PKHD1: variants seen among roughly 807,000 people sequenced by gnomAD.
The protein encoded by PKHD1 is fibrocystin.
In PKHD1, 291 loss-of-function variants were observed where a neutral mutation model predicts 412.0. That is an observed-to-expected ratio of 0.71 (90% CI 0.64 to 0.78). The LOEUF (loss-of-function observed/expected upper bound fraction) is 0.78. Ranked by LOEUF, PKHD1 falls within the 30% of genes least tolerant of loss-of-function variation. The probability of loss-of-function intolerance (pLI) is 0.00; values close to 1 mark genes in which losing one functional copy is unlikely to be tolerated. For missense variants in PKHD1, 4,825 were observed against 4,950.7 expected (o/e 0.97, Z 0.76); for synonymous variants, 1,777 against 1,821.5 (o/e 0.98, Z 0.62).
Position 51,702,777 on chromosome 6 carries a change from A to G in PKHD1, c.10156+41608T>C, listed in dbSNP as rs146615016. On this transcript the variant is annotated intron_variant, in intron 60 of 66. Transcript: ENST00000371117. ...ATGGAGAGAGTATTTGAATGTCATC[A>G]AATAAGAAATTAAATAATAAATTAA... Among the ~76,000 whole-genome samples the G allele has an allele frequency of 9.4e-3, 1,425 of 152,112 alleles. 21 individuals are homozygous for G. The highest frequency in any genetic ancestry group is 0.032 in the African/African-American group (1,342 of 41,546).
At chr6:51,711,880 C>A (rs1468155524) in intron 60 of PKHD1, among the ~76,000 whole-genome samples, 1 of 152,094 alleles carries the variant, frequency 6.6e-6, no homozygotes, top group Non-Finnish European at 1.5e-5. Flanking sequence ...CATCTCCTAC[C>A]CCTTTCACAA....
chr6:51,703,990 AG>A (rs1779731135), intron 60 of PKHD1, among the ~76,000 whole-genome samples: 1 of 152,028 alleles, frequency 6.6e-6, no homozygotes, highest in Non-Finnish European at 1.5e-5. Context: ...TATTTCCAAA[AG>A]TCTGTTGCTA....
At chr6:51,636,313 T>C (rs1768560210) in intron 64 of PKHD1, among the ~76,000 whole-genome samples, 1 of 152,094 alleles carries the variant, frequency 6.6e-6, no homozygotes, top group Admixed American at 6.5e-5. Flanking sequence ...ATGCCTATAA[T>C]GCCAGCATGA....
At chr6:51,644,657 T>C (rs981672410) in intron 63 of PKHD1, among the ~76,000 whole-genome samples, 1 of 152,040 alleles carries the variant, frequency 6.6e-6, no homozygotes, top group Non-Finnish European at 1.5e-5. Context: ...ACCTGATTCA[T>C]GAGGTGCACA....
chr6:51,958,629 T>G (rs982281100), intron 36 of PKHD1, among the ~76,000 whole-genome samples: 3 of 152,112 alleles, frequency 2.0e-5, no homozygotes, highest in African/African-American at 7.2e-5. Context: ...GCCAAGACCT[T>G]TGAATGCCTG....
chr6:51,721,026 G>A (rs1781862611), intron 60 of PKHD1: 5 of 981,698 alleles, frequency 5.1e-6, no homozygotes, highest in Non-Finnish European at 6.0e-6. Context: ...ACATGGGTAA[G>A]GGAAGTATTT....
intron 36 of PKHD1, among the ~76,000 whole-genome samples, chr6:51,959,599 A>G (rs953397669): frequency 3.9e-5 from 6 of 152,104 alleles, no homozygotes; most frequent in Non-Finnish European, 8.8e-5. Context: ...GTGCTTGAAT[A>G]AAGAAGCATA....
At position 52,028,219 on chromosome 6, in the gene PKHD1, G is replaced by A. The variant is rs575624671; in HGVS notation, c.3497C>T (p.Pro1166Leu). The part of the protein sequence containing the change: ...SAWGLEVALP[P>L]LPAGLHRISV... The stretch of plus-strand genomic sequence containing the variant: ...AATTCTGTGGAGACCAGCTGGCAGT[G>A]GGGGCAGTGCCACCTCCAGGCCCCA... Residue 1166 changes from proline to leucine, a missense_variant, in exon 30 of 67, where the codon CCA becomes CTA. Physicochemically the swap from Pro to Leu is moderately conservative, Grantham distance 98 (BLOSUM62 -3). Coordinates refer to ENST00000371117, the MANE Select transcript of PKHD1 (RefSeq NM_138694.4). 2 of 1,614,198 alleles carry A rather than the reference G, an allele frequency of 1.2e-6. No individual in the cohort carries two copies. The highest frequency in any genetic ancestry group is 1.7e-6 in the Non-Finnish European group (2 of 1,180,016).
At chr6:51,676,595 T>C (rs1252090055) in intron 60 of PKHD1, among the ~76,000 whole-genome samples, 4 of 147,706 alleles carry the variant, frequency 2.7e-5, no homozygotes, top group East Asian at 4.3e-4. Context: ...GCAAACAACA[T>C]TTATACCTCA....
rs149143008 is a variant in PKHD1, at chr6:51,899,715, C to G, written c.6996+3882G>C. On this transcript the variant is annotated intron_variant, in intron 43 of 66. Transcript: ENST00000371117. ...TAAAGGGTATTCAATTAGGAAAAGA[C>G]GAAGTCAAATTGTCCCTGTTTACAG... Among the ~76,000 whole-genome samples, 942 of 152,100 alleles carry G rather than the reference C, an allele frequency of 6.2e-3. 5 individuals are homozygous for G. The highest frequency in any genetic ancestry group is 0.018 in the African/African-American group (762 of 41,484).
rs767963628 is a variant in PKHD1 at position 51,658,995 on chromosome 6, C to T, written c.11131G>A (p.Gly3711Arg). Residue 3711 changes from glycine (G) to arginine (R), a missense_variant, in exon 61 of 67, where the codon GGG (glycine) becomes AGG (arginine). Gly to Arg is a moderately radical substitution (Grantham distance 125). Transcript: ENST00000371117. ...VLENVLNMTI[G>R]ALLVTQSKGV... The stretch of plus-strand genomic sequence containing the variant: ...TTTGACTGAGTAACTAGTAAGGCCC[C>T]GATAGTCATATTCAGAACATTCTCT... The T allele has an allele frequency of 1.1e-5, 18 of 1,612,866 alleles. No individual in the cohort carries two copies. The highest frequency in any genetic ancestry group is 1.6e-4 in the Middle Eastern group (1 of 6,076).
intron 39 of PKHD1, 81 bp from the exon 40 acceptor site, chr6:51,909,555 G>A: frequency 1.9e-6 from 2 of 1,046,676 alleles, no homozygotes; most frequent in East Asian, 2.4e-5. Context: ...GAAAGGTACT[G>A]TCAGCACCGA....
intron 52 of PKHD1, among the ~76,000 whole-genome samples, chr6:51,821,079 T>A (rs558396570): frequency 3.3e-5 from 5 of 152,190 alleles, no homozygotes; most frequent in Admixed American, 1.3e-4. Context: ...AAAATACATA[T>A]GCAATCACTC....
intron 11 of PKHD1, among the ~76,000 whole-genome samples, chr6:52,066,926 A>G (rs1345607850): frequency 6.6e-6 from 1 of 152,172 alleles, no homozygotes; most frequent in Non-Finnish European, 1.5e-5. Flanking sequence ...AAAAATTTAA[A>G]AAAAGAAATT....
At chr6:51,775,768 A>G in intron 54 of PKHD1, 40 bp downstream of exon 54, 3 of 923,434 alleles carry the variant, frequency 3.2e-6, no homozygotes, top group East Asian at 2.4e-5. Context: ...ATACACACAC[A>G]TGCATTTTAT....
chr6:51,705,566 G>A (rs536869131), intron 60 of PKHD1, among the ~76,000 whole-genome samples: 23 of 152,064 alleles, frequency 1.5e-4, no homozygotes, highest in Admixed American at 3.3e-4. Flanking sequence ...AGAACTCCAC[G>A]ATACACCTGC....
At chr6:51,863,284 G>A (rs976528142) in intron 48 of PKHD1, among the ~76,000 whole-genome samples, 3 of 152,140 alleles carry the variant, frequency 2.0e-5, no homozygotes, top group Non-Finnish European at 4.4e-5. Context: ...TGTACGTCCT[G>A]TAAAAACTCA....
In PKHD1 at chr6:52,023,404, A is replaced by C. The variant is rs550220438; in HGVS notation, c.5237-460T>G. ...ATTCTGGAACTTGCTTTTTTGCTTCAAAGTATAGCATAGATGTTTTTTCAA... is the reference window on the plus strand; with the variant it reads ...ATTCTGGAACTTGCTTTTTTGCTTCCAAGTATAGCATAGATGTTTTTTCAA... On this transcript the variant is annotated intron_variant, in intron 32 of 66. Transcript: ENST00000371117. Among the ~76,000 whole-genome samples, 44 of 152,276 alleles carry C rather than the reference A, an allele frequency of 2.9e-4. 1 individual carries two copies. The highest frequency in any genetic ancestry group is 1.0e-3 in the African/African-American group (43 of 41,570).
At chr6:52,016,096 T>C (rs1800491460) in intron 34 of PKHD1, among the ~76,000 whole-genome samples, 1 of 152,126 alleles carries the variant, frequency 6.6e-6, no homozygotes, top group Middle Eastern at 3.2e-3. Context: ...AGTTCTGAAA[T>C]CCAGTCTCAC....
Sources: allele counts gnomAD v4.1 joint callset (sites outside exome capture counted in the v4.1 genomes callset), GRCh38; gene constraint gnomAD v4.1.1; transcripts MANE v1.5; gene names NCBI Gene and HGNC (gene_info 2026-07-23, HGNC 2026-07-21).